TMEM74: variants seen among roughly 807,000 people sequenced by gnomAD.
TMEM74 encodes transmembrane protein 74.
Under a neutral mutation model 18.1 loss-of-function variants are expected in TMEM74, and 13 were observed. The observed-to-expected ratio is 0.72, with a 90% CI of 0.47 to 1.14. The LOEUF (loss-of-function observed/expected upper bound fraction) is 1.14. Ranked by LOEUF, TMEM74 falls within the 50% of genes most tolerant of loss-of-function variation. TMEM74 has a pLI of 0.00. For missense variants in TMEM74, 372 were observed against 375.9 expected (o/e 0.99, Z 0.09); for synonymous variants, 159 against 146.6 (o/e 1.08, Z -0.61).
chr8:108,705,830 T>G (rs961025314), intron 1 of TMEM74, among the ~76,000 whole-genome samples: 1 of 152,236 alleles, frequency 6.6e-6, no homozygotes, highest in Admixed American at 6.5e-5. Context: ...ACAGATACTC[T>G]CATTAGAGAT....
At position 108,617,211 on chromosome 8, in the gene TMEM74, A is replaced by T. The variant is rs536494746; in HGVS notation, n.265-8385T>A. Among the ~76,000 whole-genome samples, 11 of 152,030 alleles carry T rather than the reference A, an allele frequency of 7.2e-5. 1 individual carries two copies. The South Asian group carries it at 2.3e-3, about 32-fold the overall frequency. On this transcript the variant is annotated intron_variant and non_coding_transcript_variant, in intron 2 of 3. Transcript: ENST00000518838. ...CAAGCAGATGCAAAGGCCCTGAAGTAGAAGGAGCCAATGTGGGTGAGGTTT... is the reference window on the plus strand; with the variant it reads ...CAAGCAGATGCAAAGGCCCTGAAGTTGAAGGAGCCAATGTGGGTGAGGTTT...
intron 1 of TMEM74, among the ~76,000 whole-genome samples, chr8:108,688,161 T>C (rs183212367): frequency 8.5e-4 from 129 of 152,340 alleles, no homozygotes; most frequent in Admixed American, 1.8e-3. Context: ...CAATGCTGAC[T>C]GGTATGCAAA....
intron 1 of TMEM74, among the ~76,000 whole-genome samples, chr8:108,714,699 C>T (rs550102275): frequency 3.3e-5 from 5 of 152,316 alleles, no homozygotes; most frequent in African/African-American, 1.2e-4. Context: ...GGAAACAAAT[C>T]ATTCTACCAA....
rs867343633 is a variant in TMEM74 at position 108,756,691 on chromosome 8, A to G, written n.119+30785T>C. Among the ~76,000 whole-genome samples the G allele has an allele frequency of 1.9e-3, 204 of 107,280 alleles. 4 individuals carry two copies. Among genetic ancestry groups the G allele is most frequent in the Non-Finnish European group, 1.9e-3 (106 of 54,700 alleles). The allele number at this position is 107,280 out of a possible 152,430, so 70.4% of individuals were successfully genotyped here. A position where few individuals can be genotyped will look rare whatever the true frequency, so the allele number is the denominator to read the frequency against. On this transcript the variant is annotated intron_variant and non_coding_transcript_variant, in intron 1 of 3. Coordinates refer to the TMEM74 transcript ENST00000518838. Reference sequence around the variant, plus strand: ...AAGAAAGAAAGAAAGAAAGAAAGAAAGAAAGAAGGAAGGAAAGAAAGAAAG... The same window carrying G: ...AAGAAAGAAAGAAAGAAAGAAAGAAGGAAAGAAGGAAGGAAAGAAAGAAAG...
Position 108,764,743 on chromosome 8 carries a change from G to A in TMEM74, n.119+22733C>T, listed in dbSNP as rs1395100044. Among the ~76,000 whole-genome samples the A allele has an allele frequency of 2.6e-5, 4 of 152,132 alleles. No individual in the cohort carries two copies. In the East Asian group the frequency reaches 7.7e-4, roughly 29 times the overall value. ...TTGAACTGCTATTCAAGGAAGGATA[G>A]CTCTTCTTCCAGCTCATCCACTCTG... On this transcript the variant is annotated intron_variant and non_coding_transcript_variant, in intron 1 of 3. Transcript: ENST00000518838.
intron 1 of TMEM74, among the ~76,000 whole-genome samples, chr8:108,751,073 G>A (rs930292127): frequency 2.0e-5 from 3 of 152,054 alleles, no homozygotes; most frequent in African/African-American, 2.4e-5. Flanking sequence ...ACCTTCCACC[G>A]GTAACGCGTT....
intron 1 of TMEM74, among the ~76,000 whole-genome samples, chr8:108,674,216 C>A (rs1050403225): frequency 3.3e-5 from 5 of 152,078 alleles, no homozygotes; most frequent in Non-Finnish European, 7.4e-5. Flanking sequence ...GATACTGCAA[C>A]TTACTCATGT....
At chr8:108,684,715 G>C (rs1315880412) in intron 1 of TMEM74, among the ~76,000 whole-genome samples, 1 of 149,502 alleles carries the variant, frequency 6.7e-6, no homozygotes, top group South Asian at 2.1e-4. Flanking sequence ...TATCATTTTG[G>C]GTCTTATATT....
intron 1 of TMEM74, among the ~76,000 whole-genome samples, chr8:108,715,067 A>AGCTG (rs1813509681): frequency 6.6e-6 from 1 of 152,164 alleles, no homozygotes; most frequent in Non-Finnish European, 1.5e-5. Flanking sequence ...AAAGCTACAG[A>AGCTG]GCTGTATAAA....
intron 2 of TMEM74, among the ~76,000 whole-genome samples, chr8:108,611,353 A>T (rs1433858146): frequency 1.3e-5 from 2 of 152,316 alleles, no homozygotes; most frequent in South Asian, 4.1e-4. Flanking sequence ...TAACTTTCCT[A>T]AGCTAGGGTA....
rs1814279555 is a variant in TMEM74, at chr8:108,779,727, CT to C, written c.*4453del. Among the ~76,000 whole-genome samples, 1 of 152,124 alleles carries C rather than the reference CT, an allele frequency of 6.6e-6. No individual in the cohort carries two copies. The highest frequency in any genetic ancestry group is 2.4e-5 in the African/African-American group (1 of 41,440). The stretch of plus-strand genomic sequence containing the variant: ...CTAACAATAACTTTGGATATTAAAG[CT>C]GTATAACTATAAAATATAGTCCAAA... On this transcript the variant is annotated 3_prime_UTR_variant, in exon 2 of 2. Coordinates refer to ENST00000297459, the MANE Select transcript of TMEM74 (RefSeq NM_153015.3).
intron 1 of TMEM74, among the ~76,000 whole-genome samples, chr8:108,737,684 A>C (rs1485192049): frequency 6.6e-6 from 1 of 152,186 alleles, no homozygotes; most frequent in African/African-American, 2.4e-5. Context: ...GCAGGTCAAT[A>C]CAACTTCAAT....
intron 1 of TMEM74, among the ~76,000 whole-genome samples, chr8:108,740,398 C>T (rs1410835868): frequency 6.6e-6 from 1 of 152,160 alleles, no homozygotes; most frequent in Non-Finnish European, 1.5e-5. Flanking sequence ...GTTCTATGGT[C>T]AAAAGTGAGT....
chr8:108,691,836 C>G (rs991215150), intron 1 of TMEM74, among the ~76,000 whole-genome samples: 3 of 152,132 alleles, frequency 2.0e-5, no homozygotes, highest in African/African-American at 7.2e-5. Flanking sequence ...GGAAATTGCT[C>G]TTTTTACATA....
chr8:108,636,465 T>G (rs1419486159), intron 2 of TMEM74, among the ~76,000 whole-genome samples: 1 of 152,122 alleles, frequency 6.6e-6, no homozygotes, highest in East Asian at 1.9e-4. Context: ...CATTATACTC[T>G]GTATTTGAAG....
Position 108,784,514 on chromosome 8 carries a change from A to T in TMEM74, c.585T>A (p.Ser195=). ...CAGTCACTTCCCGTGGGACGATGTA[A>T]GAGATGATCACGAGCAGGATCCCAG... ...LVTGILLVII[S]YIVPREVTVD... is the part of the protein sequence containing the mutation. The change falls in exon 2 of 2, where the codon TCT becomes TCA. Residue 195 remains serine, a synonymous_variant. Coordinates refer to ENST00000297459, the MANE Select transcript of TMEM74 (RefSeq NM_153015.3). The T allele has an allele frequency of 1.2e-6, 2 of 1,614,156 alleles. No individual in the cohort carries two copies. The highest frequency in any genetic ancestry group is 2.2e-5 in the South Asian group (2 of 91,086).
At chr8:108,770,348 A>G (rs1021515331) in intron 1 of TMEM74, among the ~76,000 whole-genome samples, 1 of 152,228 alleles carries the variant, frequency 6.6e-6, no homozygotes, top group Non-Finnish European at 1.5e-5. Flanking sequence ...GAGGTCAACA[A>G]CAACAAAAAC....
chr8:108,611,720 C>T (rs1812335771), intron 2 of TMEM74, among the ~76,000 whole-genome samples: 1 of 152,178 alleles, frequency 6.6e-6, no homozygotes, highest in Non-Finnish European at 1.5e-5. Context: ...AATAGTGTGA[C>T]TAAATTTTTC....
intron 1 of TMEM74, among the ~76,000 whole-genome samples, chr8:108,675,917 A>G (rs2130594155): frequency 6.6e-6 from 1 of 152,340 alleles, no homozygotes; most frequent in South Asian, 2.1e-4. Flanking sequence ...TAAGATAATG[A>G]GATAATATTA....
Sources: gnomAD v4.1 joint callset for allele counts (sites outside exome capture counted in the v4.1 genomes callset) on GRCh38, gnomAD v4.1.1 for gene constraint, MANE v1.5 for transcripts, NCBI Gene and HGNC (gene_info 2026-07-23, HGNC 2026-07-21) for gene names.